ZBBX: variants seen among roughly 807,000 people sequenced by gnomAD.
ZBBX encodes the protein zinc finger B-box domain containing, also known as zinc finger B-box domain-containing protein 1.
A neutral mutation model predicts 108.5 loss-of-function variants in ZBBX; 101 were observed. The ratio of observed to expected loss-of-function variants is 0.93; its 90% CI spans 0.79 to 1.10. The LOEUF (loss-of-function observed/expected upper bound fraction) is 1.10, where lower values mean the gene tolerates loss of function less well. Among genes scored for constraint, ZBBX ranks in the 50% least tolerant of loss-of-function variants. The probability of loss-of-function intolerance (pLI) is 0.00; values close to 1 mark genes in which losing one functional copy is unlikely to be tolerated. For synonymous variants in ZBBX, 356 were observed against 323.4 expected (o/e 1.10, Z -1.08); for missense variants, 1,009 against 941.4 (o/e 1.07, Z -0.94).
chr3:167,319,284 G>T (rs1735987421), intron 12 of ZBBX, among the ~76,000 whole-genome samples: 2 of 152,010 alleles, frequency 1.3e-5, no homozygotes, highest in African/African-American at 4.8e-5. Flanking sequence ...GACGGATACT[G>T]TATGATTTCA....
the ZBBX span, among the ~76,000 whole-genome samples, chr3:167,184,857 TAAAG>T: frequency 1.3e-5 from 2 of 152,104 alleles, no homozygotes; most frequent in Non-Finnish European, 2.9e-5. Context: ...CCTGCCAAAA[TAAAG>T]AATTTATATA....
intron 18 of ZBBX, among the ~76,000 whole-genome samples, chr3:167,295,464 C>A (rs1018555955): frequency 3.3e-5 from 5 of 151,594 alleles, no homozygotes; most frequent in Non-Finnish European, 5.9e-5. Flanking sequence ...ACCACATGTT[C>A]CCACTCATAA....
intron 20 of ZBBX, among the ~76,000 whole-genome samples, chr3:167,257,402 CTTT>C (rs1013172186): frequency 1.8e-4 from 27 of 152,014 alleles, no homozygotes; most frequent in Non-Finnish European, 1.5e-5. Flanking sequence ...CCCTTTACTT[CTTT>C]ATCTTTTTTA....
At chr3:167,369,240 C>A (rs1264258335) in intron 4 of ZBBX, among the ~76,000 whole-genome samples, 1 of 152,200 alleles carries the variant, frequency 6.6e-6, no homozygotes, top group Non-Finnish European at 1.5e-5. Flanking sequence ...TTTCATAGAT[C>A]TAACCCAAAC....
rs569696718 is a variant in ZBBX at position 167,366,168 on chromosome 3, A to C, written c.183-192T>G. ...TAATTTTAAAATGTAGCTTTATCATATTTATGACCTTTGTGGAGAAATGAA... is the reference window on the plus strand; with the variant it reads ...TAATTTTAAAATGTAGCTTTATCATCTTTATGACCTTTGTGGAGAAATGAA... On this transcript the variant is annotated intron_variant, in intron 5 of 21. Coordinates refer to ENST00000675490, the MANE Select transcript of ZBBX (RefSeq NM_001199201.2). 3.3e-5 allele frequency among the ~76,000 whole-genome samples: 5 copies of C among 152,018 alleles called. No homozygotes were observed. The South Asian group carries it at 1.0e-3, about 32-fold the overall frequency.
At chr3:167,358,441 C>G (rs905284985) in intron 8 of ZBBX, among the ~76,000 whole-genome samples, 6 of 151,980 alleles carry the variant, frequency 3.9e-5, no homozygotes, top group African/African-American at 1.4e-4. Flanking sequence ...GAAAACAGTT[C>G]TGTGAATGAA....
Position 167,317,043 on chromosome 3 carries a change from T to G in ZBBX, c.1156A>C (p.Arg386=). The G allele has an allele frequency of 1.9e-6, 3 of 1,610,510 alleles. No homozygotes were observed. In the South Asian group the frequency reaches 3.3e-5, roughly 18 times the overall value. Residue 386 remains arginine, a synonymous_variant, in exon 14 of 22, where the codon AGA becomes CGA. Transcript: ENST00000675490. ...LLPVETLNIE[R]PEPSLKIVEL... ...ACTATCTTTAGAGATGGTTCAGGTC[T>G]CTCTATGTTTAATGTTTCTACTGGC...
At chr3:167,210,609 T>G in the ZBBX span, among the ~76,000 whole-genome samples, 2 of 152,028 alleles carry the variant, frequency 1.3e-5, no homozygotes, top group Non-Finnish European at 2.9e-5. Context: ...TCAAAATATT[T>G]AATAATCAAA....
intron 20 of ZBBX, among the ~76,000 whole-genome samples, chr3:167,251,925 A>AACACACACACACACAC (rs3221849): frequency 0.012 from 1,754 of 143,770 alleles, 36 homozygotes; most frequent in East Asian, 0.045. Context: ...TTGTGCCTGC[A>AACACACACACACACAC]ACACACACAC....
intron 9 of ZBBX, among the ~76,000 whole-genome samples, chr3:167,339,075 C>T (rs1473501839): frequency 1.3e-5 from 2 of 151,972 alleles, no homozygotes; most frequent in African/African-American, 4.8e-5. Flanking sequence ...CATATGCAGT[C>T]GGTAAATAGG....
chr3:167,359,974 C>T lies in ZBBX; in HGVS notation c.328G>A (p.Val110Met), dbSNP rs1744244561. Residue 110 changes from valine to methionine, a missense_variant, in exon 8 of 22, where the codon GTG (valine) becomes ATG (methionine). Transcript: ENST00000675490. ...ATTTTATAATTAACTGTTGGTTTCACTGGCTCTGCAAGATAAAAAATAATA... is the reference window on the plus strand; with the variant it reads ...ATTTTATAATTAACTGTTGGTTTCATTGGCTCTGCAAGATAAAAAATAATA... Reference protein sequence around the residue: ...KLLKEQIQEPVKPTVNYKMAN... With the variant: ...KLLKEQIQEPMKPTVNYKMAN... The T allele has an allele frequency of 2.5e-6, 4 of 1,569,574 alleles. No individual in the cohort carries two copies. The highest frequency in any genetic ancestry group is 3.5e-6 in the Non-Finnish European group (4 of 1,150,756).
chr3:167,334,558 A>C (rs150309755), intron 9 of ZBBX, among the ~76,000 whole-genome samples: 3,302 of 152,226 alleles, frequency 0.022, 114 homozygotes, highest in African/African-American at 0.076. Flanking sequence ...TTGGCGACAG[A>C]GCAACACTCC....
intron 1 of ZBBX, among the ~76,000 whole-genome samples, chr3:167,393,279 T>C (rs1257790876): frequency 1.3e-5 from 2 of 151,806 alleles, no homozygotes; most frequent in Non-Finnish European, 2.9e-5. Context: ...AAAGGAAAAA[T>C]TAACTTCTAT....
intron 6 of ZBBX, among the ~76,000 whole-genome samples, chr3:167,365,089 G>T (rs1469685378): frequency 6.6e-6 from 1 of 151,320 alleles, no homozygotes; most frequent in African/African-American, 2.4e-5. Flanking sequence ...TTTTTTAAAC[G>T]TTGGGGTCAA....
At chr3:167,190,283 T>A in the ZBBX span, among the ~76,000 whole-genome samples, 1 of 152,010 alleles carries the variant, frequency 6.6e-6, no homozygotes, top group Non-Finnish European at 1.5e-5. Context: ...AGTGAAACCA[T>A]AATTTCATCA....
chr3:167,405,394 C>A (rs1045564560), intron 1 of ZBBX, among the ~76,000 whole-genome samples: 1 of 151,962 alleles, frequency 6.6e-6, no homozygotes, highest in Admixed American at 6.6e-5. Flanking sequence ...GAGACAGGAA[C>A]CAGAAAAAGT....
intron 14 of ZBBX, among the ~76,000 whole-genome samples, chr3:167,316,357 T>C (rs1477952098): frequency 6.6e-6 from 1 of 152,152 alleles, no homozygotes; most frequent in Non-Finnish European, 1.5e-5. Context: ...CTAGTCATTT[T>C]CTTAACAACC....
At chr3:167,270,145 A>G (rs1726268668) in intron 20 of ZBBX, among the ~76,000 whole-genome samples, 1 of 152,206 alleles carries the variant, frequency 6.6e-6, no homozygotes, top group Admixed American at 6.5e-5. Flanking sequence ...GATCATCTAC[A>G]TTCTGAGGGG....
chr3:167,246,324 G>C (rs565690242), intron 20 of ZBBX, among the ~76,000 whole-genome samples: 39 of 152,132 alleles, frequency 2.6e-4, no homozygotes, highest in African/African-American at 8.2e-4. Context: ...CCTTTTCAAG[G>C]GTTATCTAGT....
Sources: allele counts gnomAD v4.1 joint callset (sites outside exome capture counted in the v4.1 genomes callset), GRCh38; gene constraint gnomAD v4.1.1; transcripts MANE v1.5; gene names NCBI Gene and HGNC (gene_info 2026-07-23, HGNC 2026-07-21).